Variants in METTL1 observed in about 807,000 individuals in gnomAD.
METTL1 encodes tRNA (guanine-N(7)-)-methyltransferase.
In METTL1, 14 loss-of-function variants were observed where a neutral mutation model predicts 27.7. The observed-to-expected ratio is 0.51, with a 90% CI of 0.33 to 0.79. The LOEUF (loss-of-function observed/expected upper bound fraction) is 0.79. METTL1 is among the 30% of genes least tolerant of loss of function. The probability of loss-of-function intolerance (pLI) is 0.02; values close to 1 mark genes in which losing one functional copy is unlikely to be tolerated. For missense variants in METTL1, 333 were observed against 359.6 expected, an observed-to-expected ratio of 0.93 and a Z score of 0.60; for synonymous variants, 138 against 137.0, an observed-to-expected ratio of 1.01 and a Z score of -0.05.
Position 57,768,837 on chromosome 12 carries a change from T to C in METTL1, c.*159A>G. The C allele has an allele frequency of 1.4e-6, 1 of 739,428 alleles. No homozygotes were observed. The highest frequency in any genetic ancestry group is 2.1e-6 in the Non-Finnish European group (1 of 481,244). 45.8% of individuals were successfully genotyped at this position (739,428 alleles called of 1,614,324 possible). A position where few individuals can be genotyped will look rare whatever the true frequency, so the allele number is the denominator to read the frequency against. On this transcript the variant is annotated 3_prime_UTR_variant, in exon 6 of 6. Coordinates refer to ENST00000324871, the MANE Select transcript of METTL1 (RefSeq NM_005371.6). ...GGGACAAGGTGAGAGGAGCCAGGGGTAGTCATGAACACCAGTGGGTTCTGC... is the reference window on the plus strand; with the variant it reads ...GGGACAAGGTGAGAGGAGCCAGGGGCAGTCATGAACACCAGTGGGTTCTGC...
Position 57,769,933 on chromosome 12 carries a change from C to T in METTL1, c.298G>A (p.Asp100Asn), listed in dbSNP as rs758232216. 11 of 1,610,900 alleles carry T rather than the reference C, an allele frequency of 6.8e-6. No homozygotes were observed. Among genetic ancestry groups the T allele is most frequent in the Non-Finnish European group, 9.3e-6 (11 of 1,178,366 alleles). Residue 100 changes from aspartate to asparagine, a missense_variant, in exon 3 of 6, where the codon GAC becomes AAC. By Grantham distance (23) the Asp-to-Asn change is conservative (BLOSUM62 1). Transcript: ENST00000324871. ...LLVELSPLFP[D>N]TLILGLEIRV... The stretch of plus-strand genomic sequence containing the variant: ...ATCTCCAGACCCAGAATAAGTGTGT[C>T]TGGGAACAGCGGTGACAGTTCCACT...
At position 57,772,085 on chromosome 12, in the gene METTL1, A is replaced by T. The variant is rs1177290696; in HGVS notation, c.-2T>A. On this transcript the variant is annotated 5_prime_UTR_variant, in exon 1 of 6. Transcript: ENST00000324871. This position sits in a 1 kb window ranked among gnomAD's most constrained non-coding sequence, Gnocchi z 4.1. ...CACGTTCCGAGTCTCGGCTGCCATG[A>T]TCCCAGTCCGGGGTTTCTCTACCAA... The T allele has an allele frequency of 6.4e-7, 1 of 1,567,764 alleles. No individual in the cohort carries two copies. The highest frequency in any genetic ancestry group is 2.1e-5 in the Admixed American group (1 of 47,894).
Position 57,769,778 on chromosome 12 carries a change from C to G in METTL1, c.453G>C (p.Lys151Asn). Reference sequence around the variant, plus strand: ...CACCAGGGCCCCTCCCCACCTGGCCCTTGTAGAAGAAGTTAGGAAGGTGCT... The same window carrying G: ...CACCAGGGCCCCTCCCCACCTGGCCGTTGTAGAAGAAGTTAGGAAGGTGCT... The part of the protein sequence containing the change: ...AMKHLPNFFY[K>N]GQLTKMFFLF... The change falls in exon 3 of 6, where the codon AAG becomes AAC. Residue 151 changes from lysine (K) to asparagine (N), a missense_variant. By Grantham distance (94) the Lys-to-Asn change is moderately conservative. Transcript: ENST00000324871. The G allele has an allele frequency of 6.2e-7, 1 of 1,614,162 alleles. No homozygotes were observed.
intron 2 of METTL1, chr12:57,770,830 G>C (rs1955420271): frequency 5.4e-6 from 2 of 370,144 alleles, no homozygotes; most frequent in Admixed American, 7.5e-5. Context: ...CACTGACCCG[G>C]AACCTGGCAG....
rs770540595 is a variant in METTL1 at position 57,771,559 on chromosome 12, C to T, written c.111-302G>A. 4.0e-5 allele frequency: 62 copies of T among 1,534,982 alleles called. No individual in the cohort carries two copies. In the African/African-American group the frequency reaches 4.9e-4, roughly 12 times the overall value. On this transcript the variant is annotated intron_variant, in intron 1 of 5. Coordinates refer to ENST00000324871, the MANE Select transcript of METTL1 (RefSeq NM_005371.6). ...TCTGGGGCACAAGTTCCCCTTCTCC[C>T]GAGACTGGCTGCCTAATGCACTGGG...
In METTL1 at chr12:57,769,229, C is replaced by T. The variant is rs1364619622; in HGVS notation, c.675+74G>A. 1.2e-5 allele frequency: 20 copies of T among 1,610,508 alleles called. No individual in the cohort carries two copies. The South Asian group carries it at 1.7e-4, about 13-fold the overall frequency. On this transcript the variant is annotated intron_variant, in intron 5 of 5. Transcript: ENST00000324871. Reference sequence around the variant, plus strand: ...GGCCCTTAGACACCTATCCCATCCTCCTGGCACTGAGTTAAGTCCAAATAC... The same window carrying T: ...GGCCCTTAGACACCTATCCCATCCTTCTGGCACTGAGTTAAGTCCAAATAC...
Position 57,769,301 on chromosome 12 carries a change from A to G in METTL1, c.675+2T>C. 6.2e-7 allele frequency: 1 copy of G among 1,613,988 alleles called. No individual in the cohort carries two copies. The highest frequency in any genetic ancestry group is 1.1e-5 in the South Asian group (1 of 91,058). ...TCCACCTCCTCTAGGTCCCCTACTC[A>G]CCAGGTCCTCCAGAGGCACACGCTC... is the stretch of plus-strand genomic sequence containing the variant. On this transcript the variant is annotated splice_donor_variant, in intron 5 of 5. Transcript: ENST00000324871. LOFTEE classifies it high-confidence loss of function.
chr12:57,771,429 T>C, intron 1 of METTL1, 172 bp from the exon 2 acceptor site: 1 of 1,461,294 alleles, frequency 6.8e-7, no homozygotes, highest in East Asian at 2.5e-5. Flanking sequence ...GAAACCACCC[T>C]TAACTCCCAG....
chr12:57,769,409 A>G lies in METTL1; in HGVS notation c.574-5T>C, dbSNP rs1197363350. On this transcript the variant is annotated splice_polypyrimidine_tract_variant and splice_region_variant and intron_variant, in intron 4 of 5. Coordinates refer to ENST00000324871, the MANE Select transcript of METTL1 (RefSeq NM_005371.6). The stretch of plus-strand genomic sequence containing the variant: ...GGTTATGGTATACACCAGCCCCTGC[A>G]TAGGCAAAATCACCCTAGACAGGAG... 1 of 1,614,076 alleles carries G rather than the reference A, an allele frequency of 6.2e-7. No individual in the cohort carries two copies. The highest frequency in any genetic ancestry group is 2.2e-5 in the East Asian group (1 of 44,874).
intron 1 of METTL1, 124 bp from the exon 2 acceptor site, chr12:57,771,381 T>C (rs1955429071): frequency 1.4e-6 from 2 of 1,473,582 alleles, no homozygotes; most frequent in Non-Finnish European, 1.8e-6. Context: ...TCAAAAATTC[T>C]GTAACACTGG....
Position 57,768,834 on chromosome 12 carries a change from G to T in METTL1, c.*162C>A, listed in dbSNP as rs1346352960. 4.9e-5 allele frequency: 36 copies of T among 728,384 alleles called. No homozygotes were observed. The Admixed American group carries it at 1.0e-3, about 21-fold the overall frequency. The allele number at this position is 728,384 out of a possible 1,614,324, so 45.1% of individuals were successfully genotyped here. A position where few individuals can be genotyped will look rare whatever the true frequency, so the allele number is the denominator to read the frequency against. On this transcript the variant is annotated 3_prime_UTR_variant, in exon 6 of 6. Transcript: ENST00000324871. ...GGAGGGACAAGGTGAGAGGAGCCAG[G>T]GGTAGTCATGAACACCAGTGGGTTC...
chr12:57,771,383 T>C, intron 1 of METTL1, 126 bp from the exon 2 acceptor site: 2 of 1,471,870 alleles, frequency 1.4e-6, no homozygotes, highest in Non-Finnish European at 1.8e-6. Context: ...AAAAATTCTG[T>C]AACACTGGGC....
Position 57,772,063 on chromosome 12 carries a change from G to A in METTL1, c.21C>T (p.Asn7=), listed in dbSNP as rs1802300850. The change falls in exon 1 of 6, where the codon AAC becomes AAT. Residue 7 remains asparagine (N), a synonymous_variant. Transcript: ENST00000324871. The surrounding 1 kb of genome is among the most constrained non-coding windows in gnomAD (Gnocchi z 4.1). ...GCGGTGGGGCCTCTGCTCCGGCCAC[G>A]TTCCGAGTCTCGGCTGCCATGATCC... The part of the protein sequence containing the change: MAAETR[N]VAGAEAPPPQ... The A allele has an allele frequency of 6.4e-7, 1 of 1,562,646 alleles. No individual in the cohort carries two copies. Among genetic ancestry groups the A allele is most frequent in the African/African-American group, 1.4e-5 (1 of 70,754 alleles).
In METTL1 at chr12:57,768,916, T is replaced by C; in HGVS notation, c.*80A>G. 6.6e-7 allele frequency: 1 copy of C among 1,517,854 alleles called. No individual in the cohort carries two copies. The highest frequency in any genetic ancestry group is 9.0e-7 in the Non-Finnish European group (1 of 1,116,118). The allele number at this position is 1,517,854 out of a possible 1,614,324, so 94.0% of individuals were successfully genotyped here. A position where few individuals can be genotyped will look rare whatever the true frequency, so the allele number is the denominator to read the frequency against. On this transcript the variant is annotated 3_prime_UTR_variant, in exon 6 of 6. Coordinates refer to ENST00000324871, the MANE Select transcript of METTL1 (RefSeq NM_005371.6). Reference sequence around the variant, plus strand: ...GAGTACTGTGTCTCAGCTCCAGCAGTCTCAACTGGGAAGACCCAGGACTCC... The same window carrying C: ...GAGTACTGTGTCTCAGCTCCAGCAGCCTCAACTGGGAAGACCCAGGACTCC...
chr12:57,769,834 T>C lies in METTL1; in HGVS notation c.397A>G (p.Asn133Asp). ...LRAAPAGGFQ[N>D]IACLRSNAMK... ...GCATTGCTACGGAGACAGGCGATGT[T>C]CTGGAAGCCACCTGCAGGAGCTGCG... The change falls in exon 3 of 6, where the codon AAC (asparagine) becomes GAC (aspartate). Residue 133 changes from asparagine (N) to aspartate (D), a missense_variant. By Grantham distance (23) the Asn-to-Asp change is conservative. Coordinates refer to ENST00000324871, the MANE Select transcript of METTL1 (RefSeq NM_005371.6). 1 of 1,614,210 alleles carries C rather than the reference T, an allele frequency of 6.2e-7. No individual in the cohort carries two copies. The highest frequency in any genetic ancestry group is 8.5e-7 in the Non-Finnish European group (1 of 1,180,044).
At position 57,769,691 on chromosome 12, in the gene METTL1, C is replaced by A. The variant is rs747868437; in HGVS notation, c.460-13G>T. ...ACATCTTTGTCAGCTGTGAGACAGA[C>A]ACACACCAACAGGGTTGTGAGAGCC... On this transcript the variant is annotated splice_polypyrimidine_tract_variant and intron_variant, in intron 3 of 5. Coordinates refer to ENST00000324871, the MANE Select transcript of METTL1 (RefSeq NM_005371.6). 2 of 1,590,316 alleles carry A rather than the reference C, an allele frequency of 1.3e-6. No homozygotes were observed. The highest frequency in any genetic ancestry group is 1.3e-5 in the African/African-American group (1 of 74,402).
chr12:57,770,313 A>G (rs1317017604), intron 2 of METTL1, among the ~76,000 whole-genome samples: 1 of 152,238 alleles, frequency 6.6e-6, no homozygotes, highest in East Asian at 1.9e-4. Context: ...AAGGGGCAGA[A>G]CTGGAACTTA....
chr12:57,769,818 C>G lies in METTL1; in HGVS notation c.413G>C (p.Arg138Pro). 6.2e-7 allele frequency: 1 copy of G among 1,614,188 alleles called. No homozygotes were observed. The highest frequency in any genetic ancestry group is 8.5e-7 in the Non-Finnish European group (1 of 1,180,042). ...AGGAAGGTGCTTCATGGCATTGCTACGGAGACAGGCGATGTTCTGGAAGCC... is the reference window on the plus strand; with the variant it reads ...AGGAAGGTGCTTCATGGCATTGCTAGGGAGACAGGCGATGTTCTGGAAGCC... Reference protein sequence around the residue: ...AGGFQNIACLRSNAMKHLPNF... With the variant: ...AGGFQNIACLPSNAMKHLPNF... The change falls in exon 3 of 6, where the codon CGT becomes CCT. Residue 138 changes from arginine to proline, a missense_variant. Transcript: ENST00000324871.
intron 1 of METTL1, chr12:57,771,562 G>C (rs1346368220): frequency 6.5e-7 from 1 of 1,535,050 alleles, no homozygotes; most frequent in African/African-American, 1.4e-5. Context: ...CTTCTCCCGA[G>C]ACTGGCTGCC....
Sources: allele counts gnomAD v4.1 joint callset (sites outside exome capture counted in the v4.1 genomes callset), GRCh38; gene constraint gnomAD v4.1.1; non-coding constraint Gnocchi (gnomAD v3.1); transcripts MANE v1.5; gene names NCBI Gene and HGNC (gene_info 2026-07-23, HGNC 2026-07-21).